Variants in SEC24A observed in about 807,000 individuals in gnomAD.
The protein encoded by SEC24A is protein transport protein Sec24A.
A neutral mutation model predicts 129.4 loss-of-function variants in SEC24A; 93 were observed. The ratio of observed to expected loss-of-function variants is 0.72; its 90% CI spans 0.61 to 0.85. The LOEUF is 0.85. Among genes scored for constraint, SEC24A ranks in the 40% least tolerant of loss-of-function variants. SEC24A has a pLI of 0.00. For synonymous variants in SEC24A, 460 were observed against 467.3 expected, an observed-to-expected ratio of 0.98 and a Z score of 0.20; for missense variants, 1,264 against 1,307.4, an observed-to-expected ratio of 0.97 and a Z score of 0.51.
intron 12 of SEC24A, chr5:134,693,296 T>C: frequency 7.1e-7 from 1 of 1,405,140 alleles, no homozygotes; most frequent in Non-Finnish European, 9.2e-7. Flanking sequence ...TGTTTTTCTT[T>C]TGTAGTGATA....
chr5:134,703,796 T>C lies in SEC24A; in HGVS notation c.2304T>C (p.Val768=), dbSNP rs368909812. The C allele has an allele frequency of 7.5e-5, 121 of 1,613,378 alleles. No individual in the cohort carries two copies. The highest frequency in any genetic ancestry group is 9.4e-5 in the Non-Finnish European group (111 of 1,179,510). ...SIHTFHGNFF[V]RSTDLLSLPN... Reference sequence around the variant, plus strand: ...ATACTTTCCATGGAAACTTCTTTGTTAGGTCAACCGACTTACTGTCTTTGC... The same window carrying C: ...ATACTTTCCATGGAAACTTCTTTGTCAGGTCAACCGACTTACTGTCTTTGC... Residue 768 remains valine (V), a synonymous_variant, in exon 16 of 23, where the codon GTT becomes GTC. Transcript: ENST00000398844.
chr5:134,661,024 T>G, intron 1 of SEC24A, 95 bp from the exon 2 acceptor site: 3 of 904,900 alleles, frequency 3.3e-6, no homozygotes, highest in Non-Finnish European at 5.1e-6. Flanking sequence ...GTTATGTGTT[T>G]TTATTGCTGA....
At chr5:134,682,599 T>A in intron 9 of SEC24A, 117 bp downstream of exon 9, 1 of 572,184 alleles carries the variant, frequency 1.7e-6, no homozygotes, top group Non-Finnish European at 3.1e-6. Context: ...AGAGTTTCAC[T>A]CTCATTGCCC....
chr5:134,698,004 A>G lies in SEC24A; in HGVS notation c.2213A>G (p.Tyr738Cys), dbSNP rs1485134377. The G allele has an allele frequency of 1.2e-6, 2 of 1,613,974 alleles. No homozygotes were observed. Among genetic ancestry groups the G allele is most frequent in the South Asian group, 1.1e-5 (1 of 91,064 alleles). ...VQKLQKELQR[Y>C]LTRKIGFEAV... Reference sequence around the variant, plus strand: ...AAATTACAGAAGGAACTACAGAGATACCTTACTCGGAAGATTGGCTTTGAG... The same window carrying G: ...AAATTACAGAAGGAACTACAGAGATGCCTTACTCGGAAGATTGGCTTTGAG... The change falls in exon 15 of 23, where the codon TAC (tyrosine) becomes TGC (cysteine). Residue 738 changes from tyrosine to cysteine, a missense_variant. Coordinates refer to ENST00000398844, the MANE Select transcript of SEC24A (RefSeq NM_021982.3).
chr5:134,709,123 G>A (rs1366482714), intron 18 of SEC24A, among the ~76,000 whole-genome samples: 1 of 151,996 alleles, frequency 6.6e-6, no homozygotes, highest in African/African-American at 2.4e-5. Flanking sequence ...GAGGTGGGAG[G>A]ATGGTTGAGT....
chr5:134,694,607 A>G (rs2150098366), intron 13 of SEC24A, among the ~76,000 whole-genome samples: 1 of 151,756 alleles, frequency 6.6e-6, no homozygotes, highest in South Asian at 2.1e-4. Context: ...AGATTGCGGC[A>G]CTGCACTCCA....
chr5:134,708,441 G>T (rs1175702227), intron 17 of SEC24A, among the ~76,000 whole-genome samples: 1 of 152,180 alleles, frequency 6.6e-6, no homozygotes, highest in African/African-American at 2.4e-5. Flanking sequence ...TAAAGTGTTG[G>T]ATTACAATCA....
intron 4 of SEC24A, 47 bp downstream of exon 4, chr5:134,671,933 T>C (rs1032750034): frequency 2.9e-5 from 33 of 1,129,150 alleles, no homozygotes; most frequent in Non-Finnish European, 4.4e-5. Context: ...TTTCTGATTA[T>C]AGAAATAATA....
At chr5:134,657,138 C>T (rs1750276179) in intron 1 of SEC24A, among the ~76,000 whole-genome samples, 1 of 151,568 alleles carries the variant, frequency 6.6e-6, no homozygotes, top group East Asian at 1.9e-4. Context: ...TGAGCTGTGA[C>T]ACTTCAGCCT....
At chr5:134,703,360 C>T (rs978834814) in intron 15 of SEC24A, among the ~76,000 whole-genome samples, 1 of 151,954 alleles carries the variant, frequency 6.6e-6, no homozygotes, top group Non-Finnish European at 1.5e-5. Context: ...CTCTGCCTCC[C>T]GGGTTCAAGC....
chr5:134,723,564 C>CATG lies in SEC24A; in HGVS notation c.3064-2_3064-1insTGA, dbSNP rs1238866284. ...ATTGGATATTGTTGGTTTTGGTTAA[C>CATG]AGACAGACCTTCCAGAACTTGATAC... On this transcript the variant is annotated splice_region_variant and splice_polypyrimidine_tract_variant and intron_variant, in intron 21 of 22. Coordinates refer to ENST00000398844, the MANE Select transcript of SEC24A (RefSeq NM_021982.3). 1 of 1,593,772 alleles carries CATG rather than the reference C, an allele frequency of 6.3e-7. No individual in the cohort carries two copies. The highest frequency in any genetic ancestry group is 8.6e-7 in the Non-Finnish European group (1 of 1,162,040).
intron 15 of SEC24A, among the ~76,000 whole-genome samples, chr5:134,700,804 C>T (rs1459925370): frequency 4.0e-5 from 6 of 151,726 alleles, no homozygotes; most frequent in East Asian, 1.9e-4. Context: ...CTGCAAGCTC[C>T]GCCTCCTGGG....
chr5:134,718,714 A>G (rs768841264), intron 20 of SEC24A, among the ~76,000 whole-genome samples: 3 of 152,154 alleles, frequency 2.0e-5, no homozygotes, highest in East Asian at 1.9e-4. Context: ...GCTCATGCCT[A>G]TAATCCCAGC....
intron 1 of SEC24A, among the ~76,000 whole-genome samples, chr5:134,652,793 G>T (rs1424768355): frequency 1.3e-5 from 2 of 151,446 alleles, no homozygotes; most frequent in Non-Finnish European, 1.5e-5. Context: ...GTTTTGTTTT[G>T]TTTTTGTTTT....
At chr5:134,654,937 G>A (rs758849465) in intron 1 of SEC24A, among the ~76,000 whole-genome samples, 2 of 151,106 alleles carry the variant, frequency 1.3e-5, no homozygotes, top group East Asian at 2.0e-4. Context: ...GGCTGGTCTC[G>A]AACTCCTGAC....
intron 8 of SEC24A, among the ~76,000 whole-genome samples, chr5:134,681,466 G>C (rs1162990903): frequency 6.6e-6 from 1 of 151,984 alleles, no homozygotes; most frequent in East Asian, 1.9e-4. Flanking sequence ...GTGTGTGTGT[G>C]TGTGTGTGTG....
Position 134,725,011 on chromosome 5 carries a change from C to G in SEC24A, c.3199C>G (p.Gln1067Glu). Reference protein sequence around the residue: ...DESPMKANFLQNMIEDRTESA... With the variant: ...DESPMKANFLENMIEDRTESA... The stretch of plus-strand genomic sequence containing the variant: ...GAGTCCAATGAAAGCAAACTTCCTT[C>G]AAAACATGATAGAAGACAGAACAGA... Residue 1067 changes from glutamine (Q) to glutamate (E), a missense_variant, in exon 23 of 23, where the codon CAA becomes GAA. Gln to Glu is a conservative substitution (Grantham distance 29). Coordinates refer to ENST00000398844, the MANE Select transcript of SEC24A (RefSeq NM_021982.3). 6.2e-7 allele frequency: 1 copy of G among 1,609,392 alleles called. No individual in the cohort carries two copies. The highest frequency in any genetic ancestry group is 2.2e-5 in the East Asian group (1 of 44,696).
At chr5:134,695,508 C>T (rs1469803970) in intron 13 of SEC24A, among the ~76,000 whole-genome samples, 2 of 151,918 alleles carry the variant, frequency 1.3e-5, no homozygotes, top group Admixed American at 6.6e-5. Flanking sequence ...AAAAATTGGC[C>T]GGGCATGGTG....
Position 134,648,834 on chromosome 5 carries a change from C to A in SEC24A, c.-243C>A. On this transcript the variant is annotated 5_prime_UTR_variant, in exon 1 of 23. Transcript: ENST00000398844. ...TCTCTCTAGGTTTGGCTGCCGCCTT[C>A]TAGCCGGGCGTTCGCGGCCCCGCCG... The A allele has an allele frequency of 2.7e-6, 1 of 371,766 alleles. No individual in the cohort carries two copies. The highest frequency in any genetic ancestry group is 4.9e-6 in the Non-Finnish European group (1 of 202,404). 23.0% of individuals were successfully genotyped at this position (371,766 alleles called of 1,614,324 possible). A position where few individuals can be genotyped will look rare whatever the true frequency, so the allele number is the denominator to read the frequency against.
Sources: allele counts gnomAD v4.1 joint callset (sites outside exome capture counted in the v4.1 genomes callset), GRCh38; gene constraint gnomAD v4.1.1; transcripts MANE v1.5; gene names NCBI Gene and HGNC (gene_info 2026-07-23, HGNC 2026-07-21).